The following TBC1D5 variants were observed in gnomAD, a reference collection of about 807,000 sequenced individuals.
The protein encoded by TBC1D5 is TBC1 domain family, member 5.
In TBC1D5, 75 loss-of-function variants were observed where a neutral mutation model predicts 100.3. That is an observed-to-expected ratio of 0.75 (90% CI 0.62 to 0.91). The LOEUF (loss-of-function observed/expected upper bound fraction) is 0.91. Ranked by LOEUF, TBC1D5 falls within the 40% of genes least tolerant of loss-of-function variation. TBC1D5 has a pLI of 0.00. For missense variants in TBC1D5, 910 were observed against 942.4 expected (o/e 0.97, Z 0.45); for synonymous variants, 323 against 325.6 (o/e 0.99, Z 0.09).
intron 15 of TBC1D5, among the ~76,000 whole-genome samples, chr3:17,268,870 G>T (rs1008481553): frequency 3.3e-5 from 5 of 152,022 alleles, no homozygotes; most frequent in African/African-American, 1.2e-4. Flanking sequence ...CTTTCCTCTT[G>T]GGAAGGTTTA....
intron 4 of TBC1D5, among the ~76,000 whole-genome samples, chr3:17,425,429 C>T (rs531521329): frequency 6.6e-6 from 1 of 152,278 alleles, no homozygotes; most frequent in East Asian, 1.9e-4. Flanking sequence ...GAGTTTGAGA[C>T]CATCCCGGGC....
chr3:17,566,883 G>T (rs1388187613), intron 2 of TBC1D5, among the ~76,000 whole-genome samples: 2 of 151,750 alleles, frequency 1.3e-5, no homozygotes, highest in Non-Finnish European at 3.0e-5. Flanking sequence ...ACTAGAGATT[G>T]CTCTTAGAAT....
At chr3:17,307,437 C>G (rs187414750) in intron 14 of TBC1D5, among the ~76,000 whole-genome samples, 1 of 152,120 alleles carries the variant, frequency 6.6e-6, no homozygotes. Flanking sequence ...ACTGGCTTTC[C>G]GGTTATTACA....
chr3:17,343,918 G>T (rs1369597570), intron 13 of TBC1D5, among the ~76,000 whole-genome samples: 1 of 151,904 alleles, frequency 6.6e-6, no homozygotes, highest in Non-Finnish European at 1.5e-5. Context: ...CAAAAAACCA[G>T]CTCCTGGATT....
intron 4 of TBC1D5, among the ~76,000 whole-genome samples, chr3:17,424,619 C>T (rs1175328239): frequency 1.3e-5 from 2 of 152,152 alleles, no homozygotes; most frequent in African/African-American, 4.8e-5. Flanking sequence ...CAGAGATATA[C>T]AATCAAATTT....
intron 14 of TBC1D5, among the ~76,000 whole-genome samples, chr3:17,297,302 C>T (rs2082347474): frequency 6.6e-6 from 1 of 152,166 alleles, no homozygotes; most frequent in South Asian, 2.1e-4. Flanking sequence ...CTTGGCTAGG[C>T]GTGGTGGCTC....
chr3:17,665,181 G>C (rs1023785793), intron 1 of TBC1D5, among the ~76,000 whole-genome samples: 1 of 151,984 alleles, frequency 6.6e-6, no homozygotes, highest in Non-Finnish European at 1.5e-5. Context: ...CCTTGTGCTA[G>C]CCTTTAGGCT....
chr3:17,673,720 C>A (rs1347206432), intron 1 of TBC1D5, among the ~76,000 whole-genome samples: 3 of 152,120 alleles, frequency 2.0e-5, no homozygotes, highest in African/African-American at 7.2e-5. Flanking sequence ...GAAGGTCTAT[C>A]TTCTTTAAAA....
chr3:17,493,752 C>T (rs901020569), intron 3 of TBC1D5, among the ~76,000 whole-genome samples: 4 of 152,124 alleles, frequency 2.6e-5, no homozygotes, highest in Non-Finnish European at 1.5e-5. Flanking sequence ...CCAAAGTTCT[C>T]GCCCTGCATT....
At chr3:17,714,152 G>A (rs1412883916) in intron 1 of TBC1D5, among the ~76,000 whole-genome samples, 1 of 152,070 alleles carries the variant, frequency 6.6e-6, no homozygotes, top group African/African-American at 2.4e-5. Flanking sequence ...GTTCTAACCT[G>A]TCTGGGAGCT....
chr3:17,528,578 T>A (rs1038500979), intron 2 of TBC1D5, among the ~76,000 whole-genome samples: 2 of 152,108 alleles, frequency 1.3e-5, no homozygotes, highest in Admixed American at 6.5e-5. Flanking sequence ...GTAAGACAAC[T>A]CCTTATACAA....
At chr3:17,543,567 G>A (rs1009087950) in intron 2 of TBC1D5, among the ~76,000 whole-genome samples, 10 of 152,158 alleles carry the variant, frequency 6.6e-5, no homozygotes, top group African/African-American at 2.4e-4. Context: ...GAGCCCAGGA[G>A]GTTGAGGCTG....
At position 17,404,786 on chromosome 3, in the gene TBC1D5, A is replaced by AAC. The variant is rs138813353; in HGVS notation, c.367-20_367-19dup. 52,147 of 1,599,602 alleles carry AAC rather than the reference A, an allele frequency of 0.033. 2,934 individuals are homozygous for AAC. The highest frequency in any genetic ancestry group is 0.25 in the African/African-American group (18,499 of 73,534). Reference sequence around the variant, plus strand: ...GTAATATGCTAGTAAAGAAAGAGAAAACACACACACAAGGATCAGAGGCTA... The same window carrying AAC: ...GTAATATGCTAGTAAAGAAAGAGAAAACACACACACACAAGGATCAGAGGCTA... On this transcript the variant is annotated intron_variant, in intron 6 of 21. Coordinates refer to ENST00000253692, the Ensembl canonical transcript of TBC1D5.
chr3:17,540,309 T>C (rs2096337480), intron 2 of TBC1D5, among the ~76,000 whole-genome samples: 1 of 152,222 alleles, frequency 6.6e-6, no homozygotes, highest in African/African-American at 2.4e-5. Context: ...ATTGACAGTG[T>C]CTTTTGATTA....
chr3:17,438,402 G>A (rs1001853636), intron 3 of TBC1D5, among the ~76,000 whole-genome samples: 1 of 152,118 alleles, frequency 6.6e-6, no homozygotes, highest in East Asian at 1.9e-4. Flanking sequence ...TCAATGGGAA[G>A]GACCAGGTGG....
chr3:17,575,204 T>C (rs1202703095), intron 2 of TBC1D5: 1 of 151,708 alleles, frequency 6.6e-6, no homozygotes, highest in Non-Finnish European at 1.5e-5. Context: ...GATGTGTACC[T>C]GTAGTGGGGG....
chr3:17,540,821 C>T (rs1056875226), intron 2 of TBC1D5, among the ~76,000 whole-genome samples: 2 of 145,750 alleles, frequency 1.4e-5, no homozygotes, highest in Non-Finnish European at 3.0e-5. Flanking sequence ...GCAGGAGAAT[C>T]GCTTGAACCC....
At chr3:17,180,455 G>T (rs531139637) in intron 19 of TBC1D5, among the ~76,000 whole-genome samples, 20 of 152,298 alleles carry the variant, frequency 1.3e-4, no homozygotes, top group African/African-American at 4.8e-4. Flanking sequence ...GACATTTTAA[G>T]ATACTTATTG....
At chr3:17,566,464 C>T (rs9847461) in intron 2 of TBC1D5, among the ~76,000 whole-genome samples, 2 of 151,676 alleles carry the variant, frequency 1.3e-5, no homozygotes, top group East Asian at 1.9e-4. Context: ...CAGGGATCCC[C>T]GTCTGGAGCA....
Sources: gnomAD v4.1 joint callset for allele counts (sites outside exome capture counted in the v4.1 genomes callset) on GRCh38, gnomAD v4.1.1 for gene constraint, MANE v1.5 for transcripts, NCBI Gene and HGNC (gene_info 2026-07-23, HGNC 2026-07-21) for gene names.